The following CHN2 variants were observed in gnomAD, a reference collection of about 807,000 sequenced individuals.
CHN2 encodes beta-chimaerin.
A neutral mutation model predicts 56.3 loss-of-function variants in CHN2; 35 were observed. The ratio of observed to expected loss-of-function variants is 0.62; its 90% CI spans 0.47 to 0.82. The LOEUF (loss-of-function observed/expected upper bound fraction) is 0.82. Ranked by LOEUF, CHN2 falls within the 40% of genes least tolerant of loss-of-function variation. CHN2 has a pLI of 0.00. For missense variants in CHN2, 491 were observed against 580.5 expected (o/e 0.85, Z 1.58); for synonymous variants, 210 against 212.8 (o/e 0.99, Z 0.12).
At chr7:29,256,431 C>T (rs1228801965) in intron 1 of CHN2, among the ~76,000 whole-genome samples, 2 of 152,140 alleles carry the variant, frequency 1.3e-5, no homozygotes, top group Non-Finnish European at 2.9e-5. Context: ...AGAAGAGCAA[C>T]GGGCATTTTT....
At chr7:29,482,992 T>C (rs1286001108) in intron 7 of CHN2, among the ~76,000 whole-genome samples, 3 of 151,654 alleles carry the variant, frequency 2.0e-5, no homozygotes, top group African/African-American at 7.3e-5. Flanking sequence ...CGGCTAATTT[T>C]TTGTATTTTT....
intron 6 of CHN2, among the ~76,000 whole-genome samples, chr7:29,434,085 A>T (rs1783051206): frequency 6.6e-6 from 1 of 152,116 alleles, no homozygotes; most frequent in Non-Finnish European, 1.5e-5. Context: ...TTTCCTTGGT[A>T]AAATGAAAAG....
At chr7:29,430,032 A>T (rs1204421806) in intron 6 of CHN2, among the ~76,000 whole-genome samples, 1 of 152,224 alleles carries the variant, frequency 6.6e-6, no homozygotes, top group African/African-American at 2.4e-5. Flanking sequence ...TTAGGAGGCC[A>T]TTTCTACTGT....
At chr7:29,168,760 A>G (rs927893432) in intron 2 of CHN2, among the ~76,000 whole-genome samples, 3 of 152,218 alleles carry the variant, frequency 2.0e-5, no homozygotes, top group African/African-American at 7.2e-5. Flanking sequence ...CCATTATATT[A>G]TGCTAAAAGC....
At chr7:29,416,658 C>A (rs943844512) in intron 6 of CHN2, among the ~76,000 whole-genome samples, 3 of 152,114 alleles carry the variant, frequency 2.0e-5, no homozygotes, top group Admixed American at 2.0e-4. Flanking sequence ...AGTTTGAAAC[C>A]GCTGGCCCGG....
intron 2 of CHN2, among the ~76,000 whole-genome samples, chr7:29,182,974 C>A (rs1435668799): frequency 6.6e-6 from 1 of 151,846 alleles, no homozygotes; most frequent in Admixed American, 6.6e-5. Flanking sequence ...AGGAAAGATT[C>A]TTGGGTTAAA....
intron 6 of CHN2, among the ~76,000 whole-genome samples, chr7:29,448,701 G>A (rs892494549): frequency 6.6e-6 from 1 of 152,036 alleles, no homozygotes; most frequent in Non-Finnish European, 1.5e-5. Flanking sequence ...TATTCTCCTG[G>A]GCTTTTTCTC....
intron 1 of CHN2, among the ~76,000 whole-genome samples, chr7:29,273,259 T>G (rs1200731817): frequency 1.3e-5 from 2 of 149,776 alleles, no homozygotes; most frequent in Non-Finnish European, 3.0e-5. Flanking sequence ...TAATGTCTTC[T>G]TGGTCCATCC....
chr7:29,367,915 TC>T lies in CHN2; in HGVS notation c.89-16del, dbSNP rs1799299641. The T allele has an allele frequency of 1.9e-6, 3 of 1,606,754 alleles. No homozygotes were observed. In the African/African-American group the frequency reaches 4.0e-5, roughly 22 times the overall value. On this transcript the variant is annotated splice_polypyrimidine_tract_variant and intron_variant, in intron 2 of 12. Transcript: ENST00000222792. ...AATTCTAATTATTTCTCTCTCTCTCTCTCTCTTTTTTGGCAGTATATCAGTT... is the reference window on the plus strand; with the variant it reads ...AATTCTAATTATTTCTCTCTCTCTCTTCTCTTTTTTGGCAGTATATCAGTT...
intron 6 of CHN2, among the ~76,000 whole-genome samples, chr7:29,469,866 A>AT (rs1220429915): frequency 2.6e-5 from 4 of 152,212 alleles, no homozygotes; most frequent in African/African-American, 9.7e-5. Flanking sequence ...ACAGTGCCTG[A>AT]TAAATAATAG....
intron 3 of CHN2, among the ~76,000 whole-genome samples, chr7:29,377,695 G>T (rs902503518): frequency 6.6e-6 from 1 of 152,200 alleles, no homozygotes; most frequent in Non-Finnish European, 1.5e-5. Context: ...CACTCGCCTG[G>T]CATCTGGCTG....
At chr7:29,367,709 A>T (rs554694105) in intron 2 of CHN2, among the ~76,000 whole-genome samples, 2 of 152,332 alleles carry the variant, frequency 1.3e-5, no homozygotes, top group African/African-American at 2.4e-5. Flanking sequence ...TTGGCCTTAT[A>T]AGAATAAAAA....
At chr7:29,291,406 C>G (rs1255447150) in intron 1 of CHN2, among the ~76,000 whole-genome samples, 1 of 152,042 alleles carries the variant, frequency 6.6e-6, no homozygotes, top group Non-Finnish European at 1.5e-5. Context: ...GCTCTCCTGC[C>G]CTGCTTGTGT....
rs1183683592 is a variant in CHN2 at position 29,185,387 on chromosome 7, T to C, written c.274+38427T>C. 4.6e-5 allele frequency: 7 copies of C among 152,282 alleles called. No individual in the cohort carries two copies. In the South Asian group the frequency reaches 8.3e-4, roughly 18 times the overall value. 9.4% of individuals were successfully genotyped at this position (152,282 alleles called of 1,614,324 possible). On this transcript the variant is annotated intron_variant, in intron 2 of 6. Coordinates refer to the CHN2 transcript ENST00000439384. ...GAGAAAATGTCATGCTAATGTTAGATTTTATTCTATTTTCTCATATCATGA... is the reference window on the plus strand; with the variant it reads ...GAGAAAATGTCATGCTAATGTTAGACTTTATTCTATTTTCTCATATCATGA...
At chr7:29,416,237 A>G (rs1803729183) in intron 6 of CHN2, among the ~76,000 whole-genome samples, 1 of 152,258 alleles carries the variant, frequency 6.6e-6, no homozygotes, top group African/African-American at 2.4e-5. Context: ...CCTTTCTCAG[A>G]AAAGCTGTGG....
intron 2 of CHN2, among the ~76,000 whole-genome samples, chr7:29,169,752 G>C (rs1189863193): frequency 6.6e-6 from 1 of 151,934 alleles, no homozygotes; most frequent in Non-Finnish European, 1.5e-5. Context: ...ACCACTGTTT[G>C]CTCAGTCAGA....
At position 29,234,333 on chromosome 7, in the gene CHN2, A is replaced by G. The variant is rs553602174; in HGVS notation, c.49+39343A>G. Among the ~76,000 whole-genome samples, 8 of 152,342 alleles carry G rather than the reference A, an allele frequency of 5.3e-5. 1 individual carries two copies. The South Asian group carries it at 1.7e-3, about 32-fold the overall frequency. On this transcript the variant is annotated intron_variant, in intron 1 of 12. Coordinates refer to ENST00000222792, the MANE Select transcript of CHN2 (RefSeq NM_004067.4). ...AAAAGGGCAGATTTTCATTATGGTAATGACGTAATGTCTGGTACCATTTCT... is the reference window on the plus strand; with the variant it reads ...AAAAGGGCAGATTTTCATTATGGTAGTGACGTAATGTCTGGTACCATTTCT...
chr7:29,192,111 T>C (rs1782961227), upstream of CHN2: 1 of 152,236 alleles, frequency 6.6e-6, no homozygotes, highest in Non-Finnish European at 1.5e-5. Context: ...GTCAAAGTTA[T>C]AGCTCATATC....
chr7:29,425,776 T>C (rs892597677), intron 6 of CHN2, among the ~76,000 whole-genome samples: 2 of 152,174 alleles, frequency 1.3e-5, no homozygotes, highest in African/African-American at 4.8e-5. Context: ...TTCAAATACA[T>C]GTATATGTCT....
Sources: allele counts gnomAD v4.1 joint callset (sites outside exome capture counted in the v4.1 genomes callset), GRCh38; gene constraint gnomAD v4.1.1; transcripts MANE v1.5; gene names NCBI Gene and HGNC (gene_info 2026-07-23, HGNC 2026-07-21).